LGSN: variants seen among roughly 807,000 people sequenced by gnomAD.
LGSN encodes lengsin, lens protein with glutamine synthetase domain.
In LGSN, 21 loss-of-function variants were observed where a neutral mutation model predicts 19.5. The ratio of observed to expected loss-of-function variants is 1.07; its 90% confidence interval spans 0.76 to 1.55. The LOEUF is 1.55. Among genes scored for constraint, LGSN ranks in the 40% most tolerant of loss-of-function variants. The pLI, the probability that LGSN is intolerant of heterozygous loss-of-function variation, is 0.00. For missense variants in LGSN, 673 were observed against 608.5 expected (o/e 1.11, Z -1.12); for synonymous variants, 257 against 215.6 (o/e 1.19, Z -1.68).
At chr6:63,466,643 G>C in the LGSN span, among the ~76,000 whole-genome samples, 2 of 152,178 alleles carry the variant, frequency 1.3e-5, no homozygotes, top group African/African-American at 2.4e-5. Context: ...AGCAGGGCCT[G>C]TTGACAGAGT....
chr6:63,556,691 A>G, the LGSN span, among the ~76,000 whole-genome samples: 1 of 152,188 alleles, frequency 6.6e-6, no homozygotes, highest in African/African-American at 2.4e-5. Flanking sequence ...CTACATCAAT[A>G]ATTTATTCCT....
chr6:63,531,327 A>G, the LGSN span, among the ~76,000 whole-genome samples: 1 of 152,124 alleles, frequency 6.6e-6, no homozygotes, highest in South Asian at 2.1e-4. Flanking sequence ...GGCCTGTAAC[A>G]TTTTCAGTCT....
At chr6:63,361,944 A>T in the LGSN span, among the ~76,000 whole-genome samples, 1 of 152,192 alleles carries the variant, frequency 6.6e-6, no homozygotes, top group South Asian at 2.1e-4. Flanking sequence ...CAGGTATTGT[A>T]TGTCAGGCAC....
intron 1 of LGSN, among the ~76,000 whole-genome samples, chr6:63,305,644 T>C (rs1768353898): frequency 6.6e-6 from 1 of 152,250 alleles, no homozygotes; most frequent in South Asian, 2.1e-4. Flanking sequence ...TCCATAAATG[T>C]TATCCAACAA....
At chr6:63,407,049 C>T in the LGSN span, among the ~76,000 whole-genome samples, 5 of 151,962 alleles carry the variant, frequency 3.3e-5, no homozygotes, top group African/African-American at 1.2e-4. Context: ...AGCTTACCAA[C>T]CAAAAAGAGT....
At chr6:63,368,442 T>C in the LGSN span, among the ~76,000 whole-genome samples, 30,891 of 152,136 alleles carry the variant, frequency 0.2, 4,227 homozygotes, top group Non-Finnish European at 0.27. Flanking sequence ...CCTGTTGGGA[T>C]TCCCAGAGAA....
upstream of LGSN, among the ~76,000 whole-genome samples, chr6:63,324,707 T>A (rs181432326): frequency 1.2e-4 from 18 of 151,784 alleles, no homozygotes; most frequent in Admixed American, 3.3e-4. Context: ...TAAAAAAAAA[T>A]TTTTTGGAAA....
the LGSN span, among the ~76,000 whole-genome samples, chr6:63,479,486 T>C: frequency 6.6e-6 from 1 of 151,780 alleles, no homozygotes; most frequent in African/African-American, 2.4e-5. Flanking sequence ...ACGCCTATAA[T>C]CCCAGCATTT....
At chr6:63,499,366 GT>G in the LGSN span, among the ~76,000 whole-genome samples, 1 of 152,120 alleles carries the variant, frequency 6.6e-6, no homozygotes, top group South Asian at 2.1e-4. Flanking sequence ...GAGCAGCTGT[GT>G]TACCTCAAAT....
chr6:63,559,286 A>G, the LGSN span, among the ~76,000 whole-genome samples: 1 of 152,238 alleles, frequency 6.6e-6, no homozygotes, highest in Non-Finnish European at 1.5e-5. Flanking sequence ...ACTTGTAAAC[A>G]GCAAGGACTT....
chr6:63,412,721 A>AGGAAGGAAGGAAGGAC, the LGSN span, among the ~76,000 whole-genome samples: 2 of 33,296 alleles, frequency 6.0e-5, no homozygotes, highest in African/African-American at 4.1e-4. Context: ...GAAGGAAGGA[A>AGGAAGGAAGGAAGGAC]AGAAAGAAAG....
chr6:63,566,736 T>C, the LGSN span, among the ~76,000 whole-genome samples: 3 of 152,082 alleles, frequency 2.0e-5, no homozygotes, highest in African/African-American at 7.2e-5. Flanking sequence ...AATAAGACAA[T>C]GGAGTTTGCT....
intron 1 of LGSN, among the ~76,000 whole-genome samples, chr6:63,300,767 A>G (rs1022763080): frequency 6.6e-6 from 1 of 152,222 alleles, no homozygotes; most frequent in African/African-American, 2.4e-5. Flanking sequence ...AATTATTAAC[A>G]TAAATTTATG....
At chr6:63,286,517 G>A (rs1310656992) in intron 2 of LGSN, among the ~76,000 whole-genome samples, 1 of 152,178 alleles carries the variant, frequency 6.6e-6, no homozygotes, top group Non-Finnish European at 1.5e-5. Context: ...CAACTCGTTA[G>A]CTTGAGTCCC....
chr6:63,281,190 G>C lies in LGSN; in HGVS notation c.361C>G (p.Arg121Gly). The C allele has an allele frequency of 1.2e-6, 2 of 1,603,386 alleles. No homozygotes were observed. Among genetic ancestry groups the C allele is most frequent in the South Asian group, 2.2e-5 (2 of 89,166 alleles). ...EKVSHGVCMP[R>G]GYLEVIPNPK... ...TTTGGTATCACTTCAAGATAACCTC[G>C]GGGCATGCAAACACCATGGCTCACT... Residue 121 changes from arginine to glycine, a missense_variant, in exon 4 of 4, where the codon CGA (arginine) becomes GGA (glycine). By Grantham distance (125) the Arg-to-Gly change is moderately radical (BLOSUM62 -2). Coordinates refer to ENST00000370657, the MANE Select transcript of LGSN (RefSeq NM_016571.3).
chr6:63,332,210 G>T, the LGSN span, among the ~76,000 whole-genome samples: 1 of 152,174 alleles, frequency 6.6e-6, no homozygotes, highest in Non-Finnish European at 1.5e-5. Flanking sequence ...GGTGCCTAAA[G>T]AAGGTAACAG....
chr6:63,369,365 G>C, the LGSN span, among the ~76,000 whole-genome samples: 1 of 152,208 alleles, frequency 6.6e-6, no homozygotes, highest in Non-Finnish European at 1.5e-5. Flanking sequence ...ACAATGCTAG[G>C]TCACTTGAAA....
chr6:63,337,824 T>C, the LGSN span, among the ~76,000 whole-genome samples: 9 of 151,490 alleles, frequency 5.9e-5, no homozygotes, highest in Non-Finnish European at 1.3e-4. Context: ...AACAAAAATA[T>C]GCAACATAAG....
At chr6:63,407,699 C>G in the LGSN span, among the ~76,000 whole-genome samples, 1 of 151,720 alleles carries the variant, frequency 6.6e-6, no homozygotes, top group African/African-American at 2.4e-5. Context: ...GCAGGAGAAG[C>G]AATAAAGGGT....
Sources: gnomAD v4.1 joint callset for allele counts (sites outside exome capture counted in the v4.1 genomes callset) on GRCh38, gnomAD v4.1.1 for gene constraint, MANE v1.5 for transcripts, NCBI Gene and HGNC (gene_info 2026-07-23, HGNC 2026-07-21) for gene names.